EML5: variants seen among roughly 807,000 people sequenced by gnomAD.
EML5 encodes the protein EMAP like 5.
EML5 carries 120 observed loss-of-function variants against 250.0 expected under a neutral mutation model. The ratio of observed to expected loss-of-function variants is 0.48; its 90% CI spans 0.41 to 0.56. EML5 has a LOEUF of 0.56. EML5 is among the 20% of genes least tolerant of loss of function. EML5 has a pLI of 0.00. For missense variants in EML5, 2,006 were observed against 2,437.6 expected, an observed-to-expected ratio of 0.82 and a Z score of 3.73; for synonymous variants, 771 against 806.5, an observed-to-expected ratio of 0.96 and a Z score of 0.75.
chr14:88,670,604 GTA>G (rs1271823058), intron 21 of EML5, among the ~76,000 whole-genome samples: 1 of 152,150 alleles, frequency 6.6e-6, no homozygotes, highest in Non-Finnish European at 1.5e-5. Context: ...CAGAAGGTGG[GTA>G]ATAATGAATT....
At chr14:88,696,712 A>T in intron 15 of EML5, 135 bp downstream of exon 15, 1 of 504,816 alleles carries the variant, frequency 2.0e-6, no homozygotes, top group South Asian at 4.5e-5. Flanking sequence ...TGATAAGGAT[A>T]ACAGTATACA....
intron 4 of EML5, among the ~76,000 whole-genome samples, chr14:88,740,822 T>C (rs1005252069): frequency 2.6e-5 from 4 of 152,144 alleles, no homozygotes; most frequent in African/African-American, 9.7e-5. Context: ...AGATTATTTT[T>C]AAAATATGCT....
intron 31 of EML5, among the ~76,000 whole-genome samples, chr14:88,642,468 C>T (rs1462306786): frequency 6.6e-6 from 1 of 152,124 alleles, no homozygotes; most frequent in Admixed American, 6.5e-5. Flanking sequence ...CTTTCCAAGG[C>T]CTCAGTAAGA....
At chr14:88,618,490 T>A (rs2088152486) in intron 40 of EML5, 159 bp from the exon 41 acceptor site, 3 of 1,092,384 alleles carry the variant, frequency 2.7e-6, no homozygotes, top group South Asian at 3.3e-5. Flanking sequence ...AGAAAAGCTC[T>A]GATAAGTGGG....
At chr14:88,707,120 C>T (rs2093330530) in intron 10 of EML5, among the ~76,000 whole-genome samples, 1 of 152,126 alleles carries the variant, frequency 6.6e-6, no homozygotes, top group East Asian at 1.9e-4. Context: ...TTGGATATGT[C>T]ATTTCAGGGG....
intron 4 of EML5, among the ~76,000 whole-genome samples, chr14:88,742,511 AAT>A (rs757696309): frequency 7.9e-5 from 12 of 152,212 alleles, no homozygotes; most frequent in South Asian, 4.1e-4. Flanking sequence ...TCATTATAAA[AAT>A]ATAGTTTATT....
chr14:88,615,010 A>G lies in EML5; in HGVS notation c.*808T>C, dbSNP rs1391219112. 6.6e-6 allele frequency: 1 copy of G among 152,234 alleles called. No homozygotes were observed. Among genetic ancestry groups the G allele is most frequent in the Non-Finnish European group, 1.5e-5 (1 of 68,032 alleles). 9.4% of individuals were successfully genotyped at this position (152,234 alleles called of 1,614,324 possible). On this transcript the variant is annotated 3_prime_UTR_variant, in exon 44 of 44. Transcript: ENST00000554922. ...ATATGCAATTCTTTCTTCCAGTTAA[A>G]TACTGTTGCTCCCTAAAACCCTTAC... is the stretch of plus-strand genomic sequence containing the variant.
intron 4 of EML5, among the ~76,000 whole-genome samples, chr14:88,741,339 G>A (rs1045517994): frequency 6.6e-6 from 1 of 152,090 alleles, no homozygotes; most frequent in Non-Finnish European, 1.5e-5. Context: ...GCAGCTCACT[G>A]TAACTATAAT....
chr14:88,727,889 AC>A (rs2093691659), intron 7 of EML5, among the ~76,000 whole-genome samples: 1 of 152,228 alleles, frequency 6.6e-6, no homozygotes, highest in Admixed American at 6.5e-5. Context: ...GAAATCAACA[AC>A]AAAAAAGATA....
rs1014174895 is a variant in EML5, at chr14:88,625,134, A to C, written c.4741-7T>G. On this transcript the variant is annotated splice_polypyrimidine_tract_variant and splice_region_variant and intron_variant, in intron 35 of 43. Transcript: ENST00000554922. The stretch of plus-strand genomic sequence containing the variant: ...CTGTAAACGTCAAGTTATTCTGAAA[A>C]GGAGTGGGGGAGGGGGAGACAAACT... The C allele has an allele frequency of 2.2e-5, 36 of 1,613,224 alleles. No homozygotes were observed. The highest frequency in any genetic ancestry group is 3.0e-5 in the Non-Finnish European group (35 of 1,179,662).
rs2090010168 is a variant in EML5, at chr14:88,626,898, C to T, written c.4680G>A (p.Gly1560=). 6.2e-7 allele frequency: 1 copy of T among 1,613,956 alleles called. No individual in the cohort carries two copies. The highest frequency in any genetic ancestry group is 1.3e-5 in the African/African-American group (1 of 75,038). The part of the protein sequence containing the change: ...LAGRALLSKK[G]LLSTLEDARM... The stretch of plus-strand genomic sequence containing the variant: ...GGGCATCTTCCAGTGTGCTCAGTAG[C>T]CCTTTTTTGCTAAGAAGAGCTCTTC... The change falls in exon 35 of 44, where the codon GGG becomes GGA. Residue 1560 remains glycine (G), a synonymous_variant. Coordinates refer to ENST00000554922, the MANE Select transcript of EML5 (RefSeq NM_183387.3).
chr14:88,745,745 T>G (rs942977216), intron 3 of EML5, among the ~76,000 whole-genome samples: 4 of 152,148 alleles, frequency 2.6e-5, no homozygotes, highest in Non-Finnish European at 1.5e-5. Flanking sequence ...TGTATATCAA[T>G]TATATTTCAA....
chr14:88,780,521 C>T (rs1456433174), intron 1 of EML5, among the ~76,000 whole-genome samples: 1 of 151,790 alleles, frequency 6.6e-6, no homozygotes, highest in Admixed American at 6.6e-5. Context: ...CTGTGAGGAT[C>T]GACAGGTCTA....
At chr14:88,773,061 G>C (rs2094410414) in intron 1 of EML5, among the ~76,000 whole-genome samples, 2 of 152,182 alleles carry the variant, frequency 1.3e-5, no homozygotes, top group South Asian at 4.1e-4. Flanking sequence ...GGAGGTATCT[G>C]CATGCCAGTG....
In EML5 at chr14:88,620,889, C is replaced by T. The variant is rs769067732; in HGVS notation, c.5240G>A (p.Arg1747His). 1.2e-5 allele frequency: 18 copies of T among 1,535,576 alleles called. No homozygotes were observed. The highest frequency in any genetic ancestry group is 5.0e-5 in the South Asian group (4 of 79,390). Residue 1747 changes from arginine (R) to histidine (H), a missense_variant, in exon 39 of 44, where the codon CGT becomes CAT. Around this residue, in one of 7 missense-constraint regions of EML5, gnomAD observed 405 missense variants for 523.3 expected, o/e 0.77. Transcript: ENST00000554922. The surrounding 1 kb of genome is among the most constrained non-coding windows in gnomAD (Gnocchi z 4.3). ...CCCTTCAGGGCTGTAACACACAGTA[C>T]GAGCAGCATGTCCCAAATTCACTTT... ...LNKVNLGHAA[R>H]TVCYSPEGDM...
Position 88,615,716 on chromosome 14 carries a change from A to G in EML5, c.*102T>C. The G allele has an allele frequency of 9.6e-7, 1 of 1,042,586 alleles. No homozygotes were observed. The highest frequency in any genetic ancestry group is 1.4e-6 in the Non-Finnish European group (1 of 708,260). 64.6% of individuals were successfully genotyped at this position (1,042,586 alleles called of 1,614,324 possible). ...GATTCTGGGCATTTCTCCCTGTTAC[A>G]GTCTTGGGTTAGCACCACTTGACCA... On this transcript the variant is annotated 3_prime_UTR_variant, in exon 44 of 44. Transcript: ENST00000554922.
intron 17 of EML5, among the ~76,000 whole-genome samples, chr14:88,688,873 CA>C (rs2092897841): frequency 6.6e-6 from 1 of 152,212 alleles, no homozygotes; most frequent in Admixed American, 6.5e-5. Context: ...CTCCCTTCTT[CA>C]CGCTTTAGTA....
intron 3 of EML5, 29 bp downstream of exon 3, chr14:88,746,156 C>A: frequency 1.3e-6 from 2 of 1,549,962 alleles, no homozygotes; most frequent in South Asian, 1.1e-5. Context: ...TTCCAGTACT[C>A]ATTAGAAATC....
intron 17 of EML5, among the ~76,000 whole-genome samples, chr14:88,693,557 G>A (rs2093007032): frequency 2.0e-5 from 3 of 152,256 alleles, no homozygotes; most frequent in African/African-American, 7.2e-5. Context: ...AGATTTGGGT[G>A]GGGACACAGT....
Sources: allele counts gnomAD v4.1 joint callset (sites outside exome capture counted in the v4.1 genomes callset), GRCh38; gene constraint gnomAD v4.1.1; regional missense constraint gnomAD v4.1.1; non-coding constraint Gnocchi (gnomAD v3.1); transcripts MANE v1.5; gene names NCBI Gene and HGNC (gene_info 2026-07-23, HGNC 2026-07-21).